The following PLBD2 variants were observed in gnomAD, a reference collection of about 807,000 sequenced individuals.
PLBD2 encodes the protein putative aminopeptidase PLBD2.
A neutral mutation model predicts 68.3 loss-of-function variants in PLBD2; 51 were observed. The observed-to-expected ratio is 0.75, with a 90% CI of 0.60 to 0.94. The LOEUF (loss-of-function observed/expected upper bound fraction) is 0.94. PLBD2 is among the 40% of genes least tolerant of loss of function. The pLI is 0.00. For synonymous variants in PLBD2, 314 were observed against 339.3 expected (o/e 0.93, Z 0.82); for missense variants, 729 against 792.2 (o/e 0.92, Z 0.96).
intron 6 of PLBD2, among the ~76,000 whole-genome samples, chr12:113,382,582 T>C (rs1388518824): frequency 1.3e-5 from 2 of 151,792 alleles, no homozygotes; most frequent in Non-Finnish European, 2.9e-5. Context: ...TAACTGGAAC[T>C]ATAGGCGCCT....
intron 5 of PLBD2, among the ~76,000 whole-genome samples, chr12:113,379,141 C>T (rs989534405): frequency 1.3e-5 from 2 of 151,984 alleles, no homozygotes; most frequent in Admixed American, 1.3e-4. Context: ...AACCATGTCT[C>T]TACTAAAAAT....
intron 5 of PLBD2, 102 bp downstream of exon 5, chr12:113,375,109 G>C (rs1447586453): frequency 1.9e-6 from 2 of 1,040,344 alleles, no homozygotes; most frequent in Non-Finnish European, 2.9e-6. Flanking sequence ...CCCAACACAC[G>C]GAGTCACTGC....
At chr12:113,383,226 G>A (rs1379906698) in intron 6 of PLBD2, among the ~76,000 whole-genome samples, 1 of 152,158 alleles carries the variant, frequency 6.6e-6, no homozygotes, top group Admixed American at 6.6e-5. Context: ...CATCTGCCAG[G>A]CTGACAGCCT....
intron 6 of PLBD2, among the ~76,000 whole-genome samples, chr12:113,383,326 G>T (rs569291634): frequency 6.6e-6 from 1 of 152,186 alleles, no homozygotes; most frequent in Non-Finnish European, 1.5e-5. Context: ...TCATGGGAGC[G>T]GCTCTTTGGG....
At chr12:113,385,090 G>T in intron 8 of PLBD2, 122 bp from the exon 9 acceptor site, 1 of 1,320,100 alleles carries the variant, frequency 7.6e-7, no homozygotes, top group Non-Finnish European at 1.1e-6. Flanking sequence ...GGTGGGGGCT[G>T]AAGTTCAGGA....
intron 1 of PLBD2, among the ~76,000 whole-genome samples, chr12:113,368,647 G>T (rs977181358): frequency 2.0e-5 from 3 of 152,206 alleles, no homozygotes; most frequent in East Asian, 1.9e-4. Context: ...GTGGCAAAGG[G>T]CATGGACATG....
Position 113,390,100 on chromosome 12 carries a change from T to A in PLBD2, c.*1474T>A, listed in dbSNP as rs182135213. The A allele has an allele frequency of 6.6e-6, 1 of 151,946 alleles. No homozygotes were observed. Among genetic ancestry groups the A allele is most frequent in the Admixed American group, 6.6e-5 (1 of 15,248 alleles). The allele number at this position is 151,946 out of a possible 1,614,324, so 9.4% of individuals were successfully genotyped here. A position where few individuals can be genotyped will look rare whatever the true frequency, so the allele number is the denominator to read the frequency against. ...ACCTATGAGATCAGACAGGGAGGGA[T>A]CCTTTTTTGTATTGGTCTGTATACC... On this transcript the variant is annotated 3_prime_UTR_variant, in exon 12 of 12. Coordinates refer to ENST00000280800, the MANE Select transcript of PLBD2 (RefSeq NM_173542.4).
At chr12:113,375,832 C>T (rs1477776571) in intron 5 of PLBD2, among the ~76,000 whole-genome samples, 2 of 152,158 alleles carry the variant, frequency 1.3e-5, no homozygotes, top group Non-Finnish European at 2.9e-5. Flanking sequence ...CCTCTTGAGA[C>T]CTTGGTGAAA....
chr12:113,387,691 T>C, intron 10 of PLBD2, 53 bp from the exon 11 acceptor site: 1 of 1,584,882 alleles, frequency 6.3e-7, no homozygotes, highest in Non-Finnish European at 8.6e-7. Flanking sequence ...TTGGCCCCCG[T>C]CTTAGCCTCT....
chr12:113,386,817 C>A (rs1010430780), intron 9 of PLBD2, 120 bp from the exon 10 acceptor site: 99 of 1,220,680 alleles, frequency 8.1e-5, no homozygotes, highest in Non-Finnish European at 1.1e-4. Flanking sequence ...CTGCACCCAG[C>A]CTGAATGTCG....
At chr12:113,380,518 AT>A (rs1255946423) in intron 5 of PLBD2, among the ~76,000 whole-genome samples, 1 of 152,242 alleles carries the variant, frequency 6.6e-6, no homozygotes, top group African/African-American at 2.4e-5. Context: ...ACCCACGGAC[AT>A]GGAGGGCCAA....
chr12:113,382,835 T>TTGTGTGTGTGTGTGTGTGTGTG (rs1209547269), intron 6 of PLBD2, among the ~76,000 whole-genome samples: 1 of 106,536 alleles, frequency 9.4e-6, no homozygotes, highest in African/African-American at 3.8e-5. Context: ...TGGTGGTTTT[T>TTGTGTGTGTGTGTGTGTGTGTG]TGTGTGTGTG....
rs376758985 is a variant in PLBD2, at chr12:113,383,996, CAAAAAAAA to C, written c.958-92_958-85del. ...CCTGGGCAAGAGTGAGACTCTATCT[CAAAAAAAA>C]AAAAAAAAAAAAAAAATTTTTGGAG... On this transcript the variant is annotated intron_variant, in intron 6 of 11. Coordinates refer to ENST00000280800, the MANE Select transcript of PLBD2 (RefSeq NM_173542.4). The C allele has an allele frequency of 1.0e-5, 5 of 494,266 alleles. No homozygotes were observed. In the South Asian group the frequency reaches 3.0e-4, roughly 30 times the overall value. 30.6% of individuals were successfully genotyped at this position (494,266 alleles called of 1,614,324 possible).
rs2136908886 is a variant in PLBD2, at chr12:113,372,627, T to G, written c.385-22T>G. On this transcript the variant is annotated intron_variant, in intron 2 of 11. Coordinates refer to ENST00000280800, the MANE Select transcript of PLBD2 (RefSeq NM_173542.4). The surrounding 1 kb of genome is among the most constrained non-coding windows in gnomAD (Gnocchi z 4.2). The stretch of plus-strand genomic sequence containing the variant: ...AGCACCCCAGCTGCCCGCCCTTGCC[T>G]CGCCCACCCCCTACCCCACAGCTCA... 6.5e-7 allele frequency: 1 copy of G among 1,539,782 alleles called. No homozygotes were observed. The highest frequency in any genetic ancestry group is 8.9e-7 in the Non-Finnish European group (1 of 1,124,682).
rs1957483118 is a variant in PLBD2 at position 113,380,789 on chromosome 12, TACCCCGGCACCATCTTCTCCTGCG to T, written c.907_930del (p.Pro303_Asp310del). 1 of 1,556,332 alleles carries T rather than the reference TACCCCGGCACCATCTTCTCCTGCG, an allele frequency of 6.4e-7. No homozygotes were observed. The highest frequency in any genetic ancestry group is 2.4e-5 in the East Asian group (1 of 41,674). Reference sequence around the variant, plus strand: ...CGGCAACAAGCTGGTCTTCTCCTCCTACCCCGGCACCATCTTCTCCTGCGACGACTTCTACATCCTGGGCAGTGG... The same window carrying T: ...CGGCAACAAGCTGGTCTTCTCCTCCTACGACTTCTACATCCTGGGCAGTGG... On this transcript the variant is annotated inframe_deletion, in exon 6 of 12. Coordinates refer to ENST00000280800, the MANE Select transcript of PLBD2 (RefSeq NM_173542.4).
At chr12:113,362,357 G>A (rs1339870333) in intron 1 of PLBD2, among the ~76,000 whole-genome samples, 1 of 151,856 alleles carries the variant, frequency 6.6e-6, no homozygotes, top group Non-Finnish European at 1.5e-5. Flanking sequence ...TGAGATAGGA[G>A]TGATAGACAC....
rs188487489 is a variant in PLBD2, at chr12:113,386,289, A to G, written c.1287-648A>G. Among the ~76,000 whole-genome samples the G allele has an allele frequency of 3.3e-5, 5 of 152,108 alleles. No homozygotes were observed. The East Asian group carries it at 5.8e-4, about 18-fold the overall frequency. Reference sequence around the variant, plus strand: ...CTGCAACCTCTGCTTCCCGGGTTCAAGCGATTCTTGTGCCTCAGCCTCCCA... The same window carrying G: ...CTGCAACCTCTGCTTCCCGGGTTCAGGCGATTCTTGTGCCTCAGCCTCCCA... On this transcript the variant is annotated intron_variant, in intron 9 of 11. Transcript: ENST00000280800.
rs937546646 is a variant in PLBD2, at chr12:113,388,567, C to G, written c.1711C>G (p.Leu571Val). 6.2e-7 allele frequency: 1 copy of G among 1,611,066 alleles called. No homozygotes were observed. Among genetic ancestry groups the G allele is most frequent in the African/African-American group, 1.3e-5 (1 of 74,950 alleles). ...QWSTSPFSGL[L>V]HMGQPDLWKF... ...GAGCACCTCGCCCTTCAGCGGCCTGCTGCACATGGGCCAGCCAGACCTCTG... is the reference window on the plus strand; with the variant it reads ...GAGCACCTCGCCCTTCAGCGGCCTGGTGCACATGGGCCAGCCAGACCTCTG... The change falls in exon 12 of 12, where the codon CTG becomes GTG. Residue 571 changes from leucine to valine, a missense_variant. Coordinates refer to ENST00000280800, the MANE Select transcript of PLBD2 (RefSeq NM_173542.4).
intron 1 of PLBD2, among the ~76,000 whole-genome samples, chr12:113,364,686 T>G (rs1957326975): frequency 6.6e-6 from 1 of 152,128 alleles, no homozygotes; most frequent in Non-Finnish European, 1.5e-5. Context: ...GGTCTCTTAC[T>G]CCTGGTCTCA....
Sources: allele counts gnomAD v4.1 joint callset (sites outside exome capture counted in the v4.1 genomes callset), GRCh38; gene constraint gnomAD v4.1.1; non-coding constraint Gnocchi (gnomAD v3.1); transcripts MANE v1.5; gene names NCBI Gene and HGNC (gene_info 2026-07-23, HGNC 2026-07-21).